CCDC192: variants seen among roughly 807,000 people sequenced by gnomAD.
The protein encoded by CCDC192 is coiled-coil domain containing 192.
chr5:127,843,347 T>C (rs1418498741), intron 5 of CCDC192, among the ~76,000 whole-genome samples: 1 of 152,028 alleles, frequency 6.6e-6, no homozygotes. Context: ...CAAAAGTTTT[T>C]TTTTTAATCT....
chr5:127,766,309 G>A (rs1755220571), intron 3 of CCDC192, among the ~76,000 whole-genome samples: 1 of 151,952 alleles, frequency 6.6e-6, no homozygotes, highest in African/African-American at 2.4e-5. Context: ...GAGAATGACT[G>A]ATTACACAGA....
intron 6 of CCDC192, among the ~76,000 whole-genome samples, chr5:127,934,539 TG>T (rs1347779301): frequency 6.6e-6 from 1 of 152,210 alleles, no homozygotes; most frequent in African/African-American, 2.4e-5. Flanking sequence ...GTCAGTCACT[TG>T]GCACTATAGA....
intron 5 of CCDC192, among the ~76,000 whole-genome samples, chr5:127,870,601 G>A (rs1035001216): frequency 6.6e-6 from 1 of 152,118 alleles, no homozygotes; most frequent in Non-Finnish European, 1.5e-5. Flanking sequence ...ATACTAACAC[G>A]GATGACAGGT....
chr5:127,750,161 G>C (rs1463881780), intron 2 of CCDC192, among the ~76,000 whole-genome samples: 1 of 152,076 alleles, frequency 6.6e-6, no homozygotes, highest in Non-Finnish European at 1.5e-5. Context: ...GCTAGCTTTT[G>C]AATGTGTTTG....
At chr5:127,768,704 A>T (rs1383686870) in intron 3 of CCDC192, among the ~76,000 whole-genome samples, 2 of 152,226 alleles carry the variant, frequency 1.3e-5, no homozygotes, top group Non-Finnish European at 2.9e-5. Flanking sequence ...AAAGCTATTA[A>T]AGCCAAAACG....
At chr5:127,843,202 T>A (rs1266091087) in intron 5 of CCDC192, among the ~76,000 whole-genome samples, 5 of 139,882 alleles carry the variant, frequency 3.6e-5, no homozygotes, top group Non-Finnish European at 6.2e-5. Context: ...GCCCGGCTAA[T>A]TTTTTTTTTG....
At chr5:127,767,650 T>G (rs1449515135) in intron 3 of CCDC192, among the ~76,000 whole-genome samples, 1 of 152,198 alleles carries the variant, frequency 6.6e-6, no homozygotes, top group African/African-American at 2.4e-5. Context: ...TTATCTATTC[T>G]TAAGGCCTAG....
In CCDC192 at chr5:127,941,412, G is replaced by A. The variant is rs1227689442; in HGVS notation, c.766G>A (p.Ala256Thr). 1.0e-5 allele frequency: 4 copies of A among 398,904 alleles called. No homozygotes were observed. Among genetic ancestry groups the A allele is most frequent in the Non-Finnish European group, 1.8e-5 (4 of 226,048 alleles). The allele number at this position is 398,904 out of a possible 1,614,324, so 24.7% of individuals were successfully genotyped here. ...VKDPPGCLPE[A>T]PVFSTHDIPP... ...GGACCCTCCAGGATGTTTACCAGAAGCCCCAGTTTTCTCTACTCATGACAT... is the reference window on the plus strand; with the variant it reads ...GGACCCTCCAGGATGTTTACCAGAAACCCCAGTTTTCTCTACTCATGACAT... Residue 256 changes from alanine to threonine, a missense_variant, in exon 7 of 7, where the codon GCC (alanine) becomes ACC (threonine). Coordinates refer to ENST00000514853, the MANE Select transcript of CCDC192 (RefSeq NM_001317938.2).
At chr5:127,936,784 A>G (rs549849341) in intron 6 of CCDC192, among the ~76,000 whole-genome samples, 1 of 152,214 alleles carries the variant, frequency 6.6e-6, no homozygotes, top group Non-Finnish European at 1.5e-5. Flanking sequence ...GTCAGATAAC[A>G]GCACCTCCAG....
intron 6 of CCDC192, among the ~76,000 whole-genome samples, chr5:127,923,636 C>T (rs1239298912): frequency 1.3e-5 from 2 of 152,166 alleles, no homozygotes; most frequent in Non-Finnish European, 2.9e-5. Flanking sequence ...CTCGGCCTTC[C>T]AAAGTGCTGG....
chr5:127,895,932 C>T (rs1403070226), intron 6 of CCDC192, among the ~76,000 whole-genome samples: 2 of 151,722 alleles, frequency 1.3e-5, no homozygotes, highest in Non-Finnish European at 2.9e-5. Context: ...TAATTATTAA[C>T]AGGCAATTGG....
chr5:127,845,247 G>C (rs1750480176), intron 5 of CCDC192, among the ~76,000 whole-genome samples: 1 of 152,210 alleles, frequency 6.6e-6, no homozygotes, highest in Non-Finnish European at 1.5e-5. Context: ...GAGAGTCAGG[G>C]AGTGAGTTGG....
chr5:127,728,168 C>T (rs777540457), intron 2 of CCDC192, among the ~76,000 whole-genome samples: 11 of 152,138 alleles, frequency 7.2e-5, no homozygotes, highest in Non-Finnish European at 1.6e-4. Context: ...GACACACCAA[C>T]ATTCAAAGTT....
intron 3 of CCDC192, among the ~76,000 whole-genome samples, chr5:127,771,683 C>A (rs1305474689): frequency 6.6e-6 from 1 of 152,128 alleles, no homozygotes; most frequent in Admixed American, 6.5e-5. Flanking sequence ...AGAAGAATAT[C>A]ATCTCTATTT....
chr5:127,741,587 A>C (rs1753423042), intron 2 of CCDC192, among the ~76,000 whole-genome samples: 1 of 152,168 alleles, frequency 6.6e-6, no homozygotes, highest in Non-Finnish European at 1.5e-5. Context: ...TGTTCAAAGG[A>C]GTCTCTGTTG....
At chr5:127,758,382 A>G (rs1374184496) in intron 3 of CCDC192, among the ~76,000 whole-genome samples, 2 of 152,238 alleles carry the variant, frequency 1.3e-5, no homozygotes, top group African/African-American at 4.8e-5. Flanking sequence ...GCTTCACTTT[A>G]GCTTACAATT....
chr5:127,843,347 T>A (rs1418498741), intron 5 of CCDC192, among the ~76,000 whole-genome samples: 1 of 152,028 alleles, frequency 6.6e-6, no homozygotes. Flanking sequence ...CAAAAGTTTT[T>A]TTTTTAATCT....
At chr5:127,776,354 G>T (rs895345112) in intron 3 of CCDC192, among the ~76,000 whole-genome samples, 15 of 152,196 alleles carry the variant, frequency 9.9e-5, no homozygotes, top group Non-Finnish European at 1.6e-4. Context: ...GAACTTGAGA[G>T]AAATAATTTA....
intron 5 of CCDC192, among the ~76,000 whole-genome samples, chr5:127,834,457 T>C (rs1749943898): frequency 6.6e-6 from 1 of 152,166 alleles, no homozygotes; most frequent in Non-Finnish European, 1.5e-5. Context: ...TCAGTCTAAT[T>C]TATAGGGCCC....
Sources: gnomAD v4.1 joint callset for allele counts (sites outside exome capture counted in the v4.1 genomes callset) on GRCh38, gnomAD v4.1.1 for gene constraint, MANE v1.5 for transcripts, NCBI Gene and HGNC (gene_info 2026-07-23, HGNC 2026-07-21) for gene names.